LNX1: variants seen among roughly 807,000 people sequenced by gnomAD.
LNX1 encodes E3 ubiquitin-protein ligase LNX.
A neutral mutation model predicts 68.4 loss-of-function variants in LNX1; 54 were observed. The ratio of observed to expected loss-of-function variants is 0.79; its 90% CI spans 0.63 to 0.99. LNX1 has a LOEUF of 0.99. LNX1 is among the 50% of genes least tolerant of loss of function. The pLI, the probability that LNX1 is intolerant of heterozygous loss-of-function variation, is 0.00. For synonymous variants in LNX1, 336 were observed against 350.0 expected (o/e 0.96, Z 0.45); for missense variants, 906 against 926.4 (o/e 0.98, Z 0.29).
At chr4:53,638,747 G>A (rs1191186477) in intron 1 of LNX1, among the ~76,000 whole-genome samples, 2 of 152,194 alleles carry the variant, frequency 1.3e-5, no homozygotes, top group African/African-American at 2.4e-5. Flanking sequence ...TCAGGCATGA[G>A]TTATAGCGCT....
Position 53,459,441 on chromosome 4 carries a change from G to A in LNX1, c.*1466C>T, listed in dbSNP as rs749819796. On this transcript the variant is annotated 3_prime_UTR_variant, in exon 11 of 11. Transcript: ENST00000263925. ...ACAGGAGAGCACCGAAGCTACACCTGCAGAATAGGCATGGTTTTGGCCTTT... is the reference window on the plus strand; with the variant it reads ...ACAGGAGAGCACCGAAGCTACACCTACAGAATAGGCATGGTTTTGGCCTTT... 2.3e-5 allele frequency: 37 copies of A among 1,613,476 alleles called. No individual in the cohort carries two copies. Among genetic ancestry groups the A allele is most frequent in the African/African-American group, 2.7e-5 (2 of 74,882 alleles).
chr4:53,534,651 A>G (rs1270442930), intron 2 of LNX1, among the ~76,000 whole-genome samples: 1 of 152,330 alleles, frequency 6.6e-6, no homozygotes, highest in Non-Finnish European at 1.5e-5. Context: ...CTAAAAAAAC[A>G]TAATAATTCT....
intron 1 of LNX1, among the ~76,000 whole-genome samples, chr4:53,632,934 A>G (rs1734330819): frequency 1.3e-5 from 2 of 152,198 alleles, no homozygotes; most frequent in African/African-American, 4.8e-5. Context: ...GATATATCCT[A>G]TGTACAAGAA....
intron 2 of LNX1, among the ~76,000 whole-genome samples, chr4:53,509,007 G>C (rs972686348): frequency 6.6e-6 from 1 of 152,156 alleles, no homozygotes. Flanking sequence ...TGGTGCAATA[G>C]AAAGAAGTTG....
intron 4 of LNX1, chr4:53,501,955 A>G (rs1725535208): frequency 6.6e-6 from 1 of 152,326 alleles, no homozygotes; most frequent in African/African-American, 2.4e-5. Flanking sequence ...ATCCTGCAAC[A>G]ACTCTATACA....
At chr4:53,535,667 G>C (rs1472969662) in intron 2 of LNX1, among the ~76,000 whole-genome samples, 1 of 152,226 alleles carries the variant, frequency 6.6e-6, no homozygotes, top group African/African-American at 2.4e-5. Flanking sequence ...GGAAGGATGA[G>C]AGCCAGGGAA....
At chr4:53,602,679 A>C (rs368914513) in intron 2 of LNX1, among the ~76,000 whole-genome samples, 6 of 152,346 alleles carry the variant, frequency 3.9e-5, no homozygotes, top group East Asian at 1.9e-4. Context: ...CACAGGACCC[A>C]AGTCAAGGGA....
chr4:53,637,168 A>G (rs1734511854), intron 1 of LNX1, among the ~76,000 whole-genome samples: 1 of 152,156 alleles, frequency 6.6e-6, no homozygotes, highest in Non-Finnish European at 1.5e-5. Context: ...GAGGATCCCA[A>G]TAATTGGACC....
At chr4:53,485,869 G>T (rs891573861) in intron 6 of LNX1, among the ~76,000 whole-genome samples, 1 of 152,144 alleles carries the variant, frequency 6.6e-6, no homozygotes, top group Non-Finnish European at 1.5e-5. Context: ...TCACACCTAT[G>T]TGATATGTAC....
At chr4:53,599,186 A>T (rs1364589737) in intron 2 of LNX1, among the ~76,000 whole-genome samples, 4 of 152,228 alleles carry the variant, frequency 2.6e-5, no homozygotes, top group Non-Finnish European at 5.9e-5. Context: ...ATTCCCAGAC[A>T]GTTATGGCAT....
At chr4:53,587,982 T>A (rs1577764550) in intron 1 of LNX1, among the ~76,000 whole-genome samples, 1 of 152,360 alleles carries the variant, frequency 6.6e-6, no homozygotes, top group East Asian at 1.9e-4. Flanking sequence ...TTGCTCAGTC[T>A]TTGGCCCTCA....
At chr4:53,607,166 C>T (rs1447376221) in intron 2 of LNX1, among the ~76,000 whole-genome samples, 5 of 152,132 alleles carry the variant, frequency 3.3e-5, no homozygotes, top group Non-Finnish European at 7.4e-5. Flanking sequence ...GAGAGGAAGT[C>T]GAACTATCCC....
chr4:53,646,060 C>T (rs1734873934), intron 1 of LNX1, among the ~76,000 whole-genome samples: 1 of 152,126 alleles, frequency 6.6e-6, no homozygotes, highest in Non-Finnish European at 1.5e-5. Context: ...GCTTTGGTTG[C>T]CAGGAAGCTC....
chr4:53,611,036 C>T (rs1398234600), intron 2 of LNX1, among the ~76,000 whole-genome samples: 1 of 151,780 alleles, frequency 6.6e-6, no homozygotes, highest in Admixed American at 6.6e-5. Flanking sequence ...CTGGAATAAA[C>T]ATTGGGGAAA....
chr4:53,550,850 A>G (rs1287257242), intron 2 of LNX1, among the ~76,000 whole-genome samples: 1 of 152,192 alleles, frequency 6.6e-6, no homozygotes, highest in Non-Finnish European at 1.5e-5. Flanking sequence ...CACCTAGAGA[A>G]GGGGATACTG....
chr4:53,497,188 G>A (rs1360571614), intron 5 of LNX1, among the ~76,000 whole-genome samples: 3 of 152,170 alleles, frequency 2.0e-5, no homozygotes, highest in African/African-American at 7.2e-5. Flanking sequence ...GATGTGTAGG[G>A]CTGATACTGC....
rs76797593 is a variant in LNX1, at chr4:53,557,041, C to T, written c.380+16582G>A. ...CAAACACAAGGCACACACAGCAACACTTTTCATATGATTGCTAGAAGTCAT... is the reference window on the plus strand; with the variant it reads ...CAAACACAAGGCACACACAGCAACATTTTTCATATGATTGCTAGAAGTCAT... On this transcript the variant is annotated intron_variant, in intron 2 of 10. Coordinates refer to ENST00000263925, the MANE Select transcript of LNX1 (RefSeq NM_001126328.3). Among the ~76,000 whole-genome samples, 582 of 152,350 alleles carry T rather than the reference C, an allele frequency of 3.8e-3. 2 individuals carry two copies. The highest frequency in any genetic ancestry group is 0.013 in the African/African-American group (559 of 41,582).
chr4:53,551,156 G>T (rs1442175759), intron 2 of LNX1, among the ~76,000 whole-genome samples: 5 of 152,080 alleles, frequency 3.3e-5, no homozygotes, highest in Non-Finnish European at 7.4e-5. Flanking sequence ...ACCACATTTT[G>T]CAGGAAGGGC....
chr4:53,468,677 A>G (rs1400297467), intron 9 of LNX1, among the ~76,000 whole-genome samples: 2 of 152,236 alleles, frequency 1.3e-5, no homozygotes. Flanking sequence ...AAAAAAAGAC[A>G]GGGGTTGCAA....
Sources: gnomAD v4.1 joint callset for allele counts (sites outside exome capture counted in the v4.1 genomes callset) on GRCh38, gnomAD v4.1.1 for gene constraint, MANE v1.5 for transcripts, NCBI Gene and HGNC (gene_info 2026-07-23, HGNC 2026-07-21) for gene names.